WWOX: variants seen among roughly 807,000 people sequenced by gnomAD.
WWOX encodes the protein WW domain containing oxidoreductase, also known as WW domain-containing oxidoreductase.
In WWOX, 69 loss-of-function variants were observed where a neutral mutation model predicts 46.2. That is an observed-to-expected ratio of 1.49 (90% confidence interval 1.23 to 1.82). The LOEUF (loss-of-function observed/expected upper bound fraction) is 1.82, where lower values mean the gene tolerates loss of function less well. WWOX is among the 40% of genes most tolerant of loss of function. The probability of loss-of-function intolerance (pLI) is 0.00; values close to 1 mark genes in which losing one functional copy is unlikely to be tolerated. For synonymous variants in WWOX, 359 were observed against 202.6 expected (o/e 1.77, Z -6.56); for missense variants, 919 against 542.6 (o/e 1.69, Z -6.89).
intron 8 of WWOX, among the ~76,000 whole-genome samples, chr16:78,437,142 C>A (rs76145350): frequency 7.9e-5 from 12 of 152,236 alleles, no homozygotes; most frequent in African/African-American, 2.4e-4. Flanking sequence ...CCCAGACTTG[C>A]GCTCGGAAGC....
chr16:78,929,825 T>G (rs2045579559), intron 8 of WWOX, among the ~76,000 whole-genome samples: 1 of 152,182 alleles, frequency 6.6e-6, no homozygotes, highest in Non-Finnish European at 1.5e-5. Flanking sequence ...AGACTGGGTT[T>G]CAGGTGCAGG....
At chr16:78,533,301 TGG>T (rs2043670455) in intron 8 of WWOX, among the ~76,000 whole-genome samples, 1 of 151,846 alleles carries the variant, frequency 6.6e-6, no homozygotes, top group Admixed American at 6.6e-5. Context: ...CCAGCACTTT[TGG>T]GTCAGTTGAG....
chr16:78,682,598 G>T (rs1411977579), intron 8 of WWOX, among the ~76,000 whole-genome samples: 1 of 152,092 alleles, frequency 6.6e-6, no homozygotes, highest in Admixed American at 6.5e-5. Context: ...ATACAAGAAG[G>T]CCACATGTGG....
Position 78,567,186 on chromosome 16 carries a change from C to T in WWOX, c.1056+134434C>T, listed in dbSNP as rs575472895. On this transcript the variant is annotated intron_variant, in intron 8 of 8. Coordinates refer to ENST00000566780, the MANE Select transcript of WWOX (RefSeq NM_016373.4). ...TTGGCAGAAGCCCAATTTAAGCCCC[C>T]ATCATGTCCTGACGCTTTCCCAAAG... Among the ~76,000 whole-genome samples, 25 of 152,286 alleles carry T rather than the reference C, an allele frequency of 1.6e-4. 1 individual carries two copies. In the South Asian group the frequency reaches 4.8e-3, roughly 29 times the overall value.
chr16:78,366,120 A>G (rs1167610300), intron 5 of WWOX, among the ~76,000 whole-genome samples: 1 of 152,214 alleles, frequency 6.6e-6, no homozygotes, highest in Non-Finnish European at 1.5e-5. Flanking sequence ...GGAAATGTCT[A>G]GAAACCCCTA....
chr16:78,359,403 T>C lies in WWOX; in HGVS notation c.517-27457T>C, dbSNP rs143586887. Among the ~76,000 whole-genome samples the C allele has an allele frequency of 7.3e-4, 111 of 152,326 alleles. 2 individuals carry two copies. The East Asian group carries it at 0.02, about 27-fold the overall frequency. On this transcript the variant is annotated intron_variant, in intron 5 of 8. Coordinates refer to ENST00000566780, the MANE Select transcript of WWOX (RefSeq NM_016373.4). The stretch of plus-strand genomic sequence containing the variant: ...TTTTTTCTGCTGTGCTTAATTCTTA[T>C]TAACACACTAATCATGAGAGCCCCC...
At chr16:78,763,512 C>T (rs529326740) in intron 8 of WWOX, among the ~76,000 whole-genome samples, 27 of 152,238 alleles carry the variant, frequency 1.8e-4, no homozygotes, top group Non-Finnish European at 3.7e-4. Context: ...AACATGAATG[C>T]AATTTTTTAC....
intron 5 of WWOX, among the ~76,000 whole-genome samples, chr16:78,203,362 A>G (rs1351893701): frequency 6.6e-6 from 1 of 152,202 alleles, no homozygotes; most frequent in South Asian, 2.1e-4. Flanking sequence ...AGCAAGTTTA[A>G]TGATGGGTAG....
chr16:78,735,394 A>AACACACACACACACACACAC lies in WWOX; in HGVS notation c.1056+302655_1056+302674dup, dbSNP rs35975130. Among the ~76,000 whole-genome samples the AACACACACACACACACACAC allele has an allele frequency of 2.0e-3, 238 of 121,376 alleles. 2 individuals carry two copies. The highest frequency in any genetic ancestry group is 8.8e-3 in the Middle Eastern group (2 of 226). 79.6% of individuals were successfully genotyped at this position (121,376 alleles called of 152,430 possible). On this transcript the variant is annotated intron_variant, in intron 8 of 8. Transcript: ENST00000566780. ...AGAGATGTCATACACACCACACACAAACACACACACACACACACACACACA... is the reference window on the plus strand; with the variant it reads ...AGAGATGTCATACACACCACACACAAACACACACACACACACACACACACACACACACACACACACACACA...
At chr16:78,278,625 C>G (rs750026541) in intron 5 of WWOX, 4 of 1,610,974 alleles carry the variant, frequency 2.5e-6, no homozygotes, top group Non-Finnish European at 3.4e-6. Flanking sequence ...CACCCTCCGC[C>G]AGAAAAGTGC....
intron 8 of WWOX, among the ~76,000 whole-genome samples, chr16:78,887,524 A>T (rs1156326021): frequency 2.0e-5 from 3 of 148,802 alleles, no homozygotes; most frequent in African/African-American, 7.5e-5. Context: ...CACACAAGAA[A>T]TGACTACAGA....
At chr16:78,541,099 T>G (rs2151527219) in intron 8 of WWOX, among the ~76,000 whole-genome samples, 1 of 152,272 alleles carries the variant, frequency 6.6e-6, no homozygotes, top group African/African-American at 2.4e-5. Flanking sequence ...CCTAATATAT[T>G]TTGAGACCTG....
chr16:78,739,630 G>T (rs1368214078), intron 8 of WWOX, among the ~76,000 whole-genome samples: 2 of 152,072 alleles, frequency 1.3e-5, no homozygotes, highest in Non-Finnish European at 2.9e-5. Context: ...GGCTAACACG[G>T]ATAAACCTCG....
chr16:78,666,443 A>G (rs2047335049), intron 8 of WWOX, among the ~76,000 whole-genome samples: 1 of 152,212 alleles, frequency 6.6e-6, no homozygotes, highest in Non-Finnish European at 1.5e-5. Flanking sequence ...ACGCCATTAC[A>G]TGCTTACAGC....
chr16:78,844,223 G>A (rs1271700344), intron 8 of WWOX, among the ~76,000 whole-genome samples: 1 of 152,098 alleles, frequency 6.6e-6, no homozygotes, highest in African/African-American at 2.4e-5. Flanking sequence ...GTTTAGTTGT[G>A]CTATTCTTAG....
chr16:78,530,883 T>G (rs188473049), intron 8 of WWOX, among the ~76,000 whole-genome samples: 1 of 152,186 alleles, frequency 6.6e-6, no homozygotes, highest in East Asian at 1.9e-4. Flanking sequence ...GTGCTAAACG[T>G]TTTACAACAC....
chr16:78,385,364 C>A (rs573484239), intron 5 of WWOX, among the ~76,000 whole-genome samples: 1 of 152,324 alleles, frequency 6.6e-6, no homozygotes, highest in South Asian at 2.1e-4. Context: ...AACATCTTCT[C>A]TGCTAGTTAA....
At position 78,616,497 on chromosome 16, in the gene WWOX, C is replaced by T. The variant is rs2046028353; in HGVS notation, c.1056+183745C>T. Among the ~76,000 whole-genome samples the T allele has an allele frequency of 2.7e-5, 4 of 150,106 alleles. No individual in the cohort carries two copies. The South Asian group carries it at 8.5e-4, about 32-fold the overall frequency. On this transcript the variant is annotated intron_variant, in intron 8 of 8. Transcript: ENST00000566780. Reference sequence around the variant, plus strand: ...GCACTAATGGCCAGGAGTGGTGGCTCACACCTGTAATCCCAGCACTTTGGG... The same window carrying T: ...GCACTAATGGCCAGGAGTGGTGGCTTACACCTGTAATCCCAGCACTTTGGG...
chr16:78,671,088 C>T (rs1266771258), intron 8 of WWOX, among the ~76,000 whole-genome samples: 1 of 152,164 alleles, frequency 6.6e-6, no homozygotes, highest in Non-Finnish European at 1.5e-5. Flanking sequence ...CCTGCAGACA[C>T]TCAGATTTCA....
Sources: gnomAD v4.1 joint callset for allele counts (sites outside exome capture counted in the v4.1 genomes callset) on GRCh38, gnomAD v4.1.1 for gene constraint, MANE v1.5 for transcripts, NCBI Gene and HGNC (gene_info 2026-07-23, HGNC 2026-07-21) for gene names.